The following CFTR variants were observed in gnomAD, a reference collection of about 807,000 sequenced individuals.
CFTR encodes the protein CF transmembrane conductance regulator, also known as cystic fibrosis transmembrane conductance regulator.
In CFTR, 181 loss-of-function variants were observed where a neutral mutation model predicts 171.6. The observed-to-expected ratio is 1.05, with a 90% CI of 0.93 to 1.19. CFTR has a LOEUF of 1.19. Ranked by LOEUF, CFTR falls within the 50% of genes most tolerant of loss-of-function variation. The pLI is 0.00. For missense variants in CFTR, 1,968 were observed against 1,734.7 expected, an observed-to-expected ratio of 1.13 and a Z score of -2.39; for synonymous variants, 583 against 608.0, an observed-to-expected ratio of 0.96 and a Z score of 0.60.
At chr7:117,614,995 C>T (rs975372136) in intron 21 of CFTR, among the ~76,000 whole-genome samples, 2 of 152,012 alleles carry the variant, frequency 1.3e-5, no homozygotes, top group African/African-American at 4.8e-5. Context: ...ATTGCTGGGT[C>T]ATAGGATTCA....
chr7:117,493,325 T>G (rs540961874), intron 1 of CFTR, among the ~76,000 whole-genome samples: 1 of 152,122 alleles, frequency 6.6e-6, no homozygotes, highest in African/African-American at 2.4e-5. Context: ...TTAAGTGTTT[T>G]GCAGACCTTT....
intron 9 of CFTR, among the ~76,000 whole-genome samples, chr7:117,548,333 G>GGTGTGTGTGTGTGTGTGTGT (rs3034794): frequency 1.9e-4 from 28 of 144,140 alleles, no homozygotes; most frequent in South Asian, 4.5e-4. Context: ...AGGAGAAGAG[G>GGTGTGTGTGTGTGTGTGTGT]GTGTGTGTGT....
At chr7:117,594,533 A>G (rs1208582417) in intron 14 of CFTR, among the ~76,000 whole-genome samples, 1 of 152,200 alleles carries the variant, frequency 6.6e-6, no homozygotes, top group Non-Finnish European at 1.5e-5. Flanking sequence ...ACTGAACTGT[A>G]CTTGTCCATG....
At chr7:117,576,363 A>G (rs550019037) in intron 11 of CFTR, among the ~76,000 whole-genome samples, 4 of 152,298 alleles carry the variant, frequency 2.6e-5, no homozygotes, top group African/African-American at 9.6e-5. Context: ...ACAACTATTT[A>G]TGTAGGATTT....
chr7:117,524,491 C>T (rs907617367), intron 3 of CFTR, among the ~76,000 whole-genome samples: 1 of 151,436 alleles, frequency 6.6e-6, no homozygotes, highest in African/African-American at 2.4e-5. Context: ...AAATATTGAT[C>T]TAAAATAATT....
intron 1 of CFTR, among the ~76,000 whole-genome samples, chr7:117,486,834 A>G (rs1361761617): frequency 7.9e-5 from 11 of 139,592 alleles, no homozygotes; most frequent in Admixed American, 5.9e-4. Flanking sequence ...GTTTTGTAAA[A>G]GAAAAGATGA....
chr7:117,512,637 A>G (rs1798537540), intron 3 of CFTR, among the ~76,000 whole-genome samples: 1 of 150,240 alleles, frequency 6.7e-6, no homozygotes, highest in African/African-American at 2.4e-5. Flanking sequence ...CCATCTCAAA[A>G]AAAAAAAAAA....
chr7:117,488,772 T>C (rs1798112574), intron 1 of CFTR, among the ~76,000 whole-genome samples: 1 of 152,144 alleles, frequency 6.6e-6, no homozygotes, highest in Non-Finnish European at 1.5e-5. Flanking sequence ...ACAGTGATTT[T>C]GTATAACATT....
rs772661286 is a variant in CFTR, at chr7:117,612,023, G to GTATATATATATATATATA, written c.3367+228_3367+245dup. ...TGAAATCGGATATATATATATATAT[G>GTATATATATATATATATA]TATATATATATATATATATATATAT... On this transcript the variant is annotated intron_variant, in intron 20 of 26. Transcript: ENST00000003084. Among the ~76,000 whole-genome samples the GTATATATATATATATATA allele has an allele frequency of 4.1e-4, 22 of 53,222 alleles. 2 individuals carry two copies. Among genetic ancestry groups the GTATATATATATATATATA allele is most frequent in the East Asian group, 1.0e-3 (2 of 1,938 alleles). The allele number at this position is 53,222 out of a possible 152,430, so 34.9% of individuals were successfully genotyped here.
chr7:117,585,701 G>T (rs916121678), intron 11 of CFTR, among the ~76,000 whole-genome samples: 1 of 152,142 alleles, frequency 6.6e-6, no homozygotes, highest in Non-Finnish European at 1.5e-5. Flanking sequence ...CAGTGCAGTG[G>T]TGTGATCATA....
chr7:117,518,087 A>G (rs763110740), intron 3 of CFTR, among the ~76,000 whole-genome samples: 4 of 151,982 alleles, frequency 2.6e-5, no homozygotes, highest in Non-Finnish European at 5.9e-5. Flanking sequence ...TTAAGCACAT[A>G]GAATAGATTC....
At chr7:117,568,022 A>T (rs565037333) in intron 11 of CFTR, among the ~76,000 whole-genome samples, 1 of 152,302 alleles carries the variant, frequency 6.6e-6, no homozygotes, top group Admixed American at 6.5e-5. Flanking sequence ...GAAAGAGAAC[A>T]AAATGTACGA....
chr7:117,619,757 G>A (rs893754898), intron 21 of CFTR, among the ~76,000 whole-genome samples: 1 of 152,170 alleles, frequency 6.6e-6, no homozygotes, highest in African/African-American at 2.4e-5. Flanking sequence ...GGGTGAGCAG[G>A]GAAGGCAATG....
At chr7:117,487,964 A>T (rs965052086) in intron 1 of CFTR, 1 of 152,178 alleles carries the variant, frequency 6.6e-6, no homozygotes, top group Non-Finnish European at 1.5e-5. Context: ...AGAGGAAGCA[A>T]GGTGGAGAAA....
chr7:117,481,151 A>G (rs927146561), intron 1 of CFTR, among the ~76,000 whole-genome samples: 6 of 152,236 alleles, frequency 3.9e-5, no homozygotes, highest in African/African-American at 1.2e-4. Context: ...AGTTCTCTGC[A>G]TGTGCAGTTA....
At chr7:117,650,084 T>C (rs570329326) in intron 23 of CFTR, among the ~76,000 whole-genome samples, 107 of 152,042 alleles carry the variant, frequency 7.0e-4, no homozygotes, top group Non-Finnish European at 1.0e-3. Flanking sequence ...GGCTAAACCA[T>C]GTAGGGTCGT....
At chr7:117,541,929 T>G in intron 8 of CFTR, 87 bp from the exon 9 acceptor site, 1 of 591,620 alleles carries the variant, frequency 1.7e-6, no homozygotes, top group Admixed American at 2.6e-5. Context: ...ATATAAGATG[T>G]AGCACAATGA....
chr7:117,625,307 G>A (rs1044223667), intron 21 of CFTR, among the ~76,000 whole-genome samples: 8 of 152,060 alleles, frequency 5.3e-5, no homozygotes, highest in African/African-American at 1.9e-4. Context: ...AATTTGATTG[G>A]TACATTCCAT....
rs397508673 is a variant in CFTR at position 117,480,134 on chromosome 7, A to G, written c.40A>G (p.Lys14Glu). 3.7e-6 allele frequency: 6 copies of G among 1,613,758 alleles called. No individual in the cohort carries two copies. The African/African-American group carries it at 4.0e-5, about 11-fold the overall frequency. Residue 14 changes from lysine (K) to glutamate (E), a missense_variant, in exon 1 of 27, where the codon AAA becomes GAA. Coordinates refer to ENST00000003084, the MANE Select transcript of CFTR (RefSeq NM_000492.4). ...SPLEKASVVSKLFFSWTRPIL... is the reference protein window; with the variant it reads ...SPLEKASVVSELFFSWTRPIL... Reference sequence around the variant, plus strand: ...TCTGGAAAAGGCCAGCGTTGTCTCCAAACTTTTTTTCAGGTGAGAAGGTGG... The same window carrying G: ...TCTGGAAAAGGCCAGCGTTGTCTCCGAACTTTTTTTCAGGTGAGAAGGTGG...
Sources: allele counts gnomAD v4.1 joint callset (sites outside exome capture counted in the v4.1 genomes callset), GRCh38; gene constraint gnomAD v4.1.1; transcripts MANE v1.5; gene names NCBI Gene and HGNC (gene_info 2026-07-23, HGNC 2026-07-21).